SLC24A2: variants seen among roughly 807,000 people sequenced by gnomAD.
SLC24A2 encodes sodium/potassium/calcium exchanger 2.
Under a neutral mutation model 62.0 loss-of-function variants are expected in SLC24A2, and 36 were observed. The ratio of observed to expected loss-of-function variants is 0.58; its 90% CI spans 0.44 to 0.77. The LOEUF (loss-of-function observed/expected upper bound fraction) is 0.77, where lower values mean the gene tolerates loss of function less well. SLC24A2 is among the 30% of genes least tolerant of loss of function. The pLI is 0.00. For missense variants in SLC24A2, 846 were observed against 817.9 expected (o/e 1.03, Z -0.42); for synonymous variants, 358 against 294.0 (o/e 1.22, Z -2.23).
chr9:19,735,102 A>G (rs1327775980), intron 2 of SLC24A2, among the ~76,000 whole-genome samples: 1 of 152,162 alleles, frequency 6.6e-6, no homozygotes, highest in African/African-American at 2.4e-5. Context: ...AATTTTTGCA[A>G]TCTATCCATC....
the SLC24A2 span, among the ~76,000 whole-genome samples, chr9:20,222,054 G>C: frequency 6.6e-6 from 1 of 151,970 alleles, no homozygotes; most frequent in South Asian, 2.1e-4. Context: ...TGGGAGTGGG[G>C]GCATTGCTCA....
At chr9:19,732,677 G>C (rs868402595) in intron 2 of SLC24A2, among the ~76,000 whole-genome samples, 50 of 152,068 alleles carry the variant, frequency 3.3e-4, no homozygotes, top group African/African-American at 9.4e-4. Context: ...GTCTGTGCTG[G>C]TTCTCCCTCT....
chr9:19,980,277 A>G, the SLC24A2 span, among the ~76,000 whole-genome samples: 73,293 of 152,032 alleles, frequency 0.48, 18,538 homozygotes, highest in Non-Finnish European at 0.55. Flanking sequence ...AACAAGCTCC[A>G]GTTAACGCTG....
chr9:19,706,122 T>C (rs1820506914), intron 2 of SLC24A2, among the ~76,000 whole-genome samples: 1 of 152,040 alleles, frequency 6.6e-6, no homozygotes, highest in African/African-American at 2.4e-5. Flanking sequence ...TGCTCCTGTA[T>C]TGGGTGCATA....
chr9:19,857,684 A>G, the SLC24A2 span, among the ~76,000 whole-genome samples: 70 of 151,996 alleles, frequency 4.6e-4, no homozygotes, highest in African/African-American at 1.6e-3. Flanking sequence ...TGGAAATGCA[A>G]TTGGGTTTTA....
At chr9:19,554,212 A>G (rs1834974227) in intron 7 of SLC24A2, among the ~76,000 whole-genome samples, 1 of 152,194 alleles carries the variant, frequency 6.6e-6, no homozygotes, top group South Asian at 2.1e-4. Context: ...AGCAAAGGAG[A>G]GAGGCCTCTG....
chr9:20,149,041 G>A, the SLC24A2 span, among the ~76,000 whole-genome samples: 1 of 152,038 alleles, frequency 6.6e-6, no homozygotes, highest in African/African-American at 2.4e-5. Flanking sequence ...ATGTATGTAT[G>A]AATGGATGTA....
At chr9:20,075,239 T>C in the SLC24A2 span, among the ~76,000 whole-genome samples, 1 of 152,196 alleles carries the variant, frequency 6.6e-6, no homozygotes, top group Non-Finnish European at 1.5e-5. Flanking sequence ...GCAATTAGTA[T>C]GTGCCTAACA....
At chr9:20,261,733 C>CTTTTTTTTTTTT in the SLC24A2 span, among the ~76,000 whole-genome samples, 39 of 75,290 alleles carry the variant, frequency 5.2e-4, 4 homozygotes, top group African/African-American at 1.0e-3. Flanking sequence ...AACACCAAAT[C>CTTTTTTTTTTTT]TTTTTTTTTT....
At chr9:19,606,607 T>A (rs780422148) in intron 4 of SLC24A2, among the ~76,000 whole-genome samples, 1 of 152,194 alleles carries the variant, frequency 6.6e-6, no homozygotes, top group Non-Finnish European at 1.5e-5. Context: ...TATGTCAGCT[T>A]GCAATGGAAA....
intron 8 of SLC24A2, among the ~76,000 whole-genome samples, chr9:19,547,845 A>T (rs1228404085): frequency 6.6e-6 from 1 of 151,684 alleles, no homozygotes; most frequent in Admixed American, 6.5e-5. Flanking sequence ...AGAGACAGAC[A>T]GAGAGAGGAG....
chr9:19,657,530 G>A (rs10811224), intron 2 of SLC24A2, among the ~76,000 whole-genome samples: 64,456 of 151,402 alleles, frequency 0.43, 14,533 homozygotes, highest in East Asian at 0.81. Flanking sequence ...GTCCTAATGC[G>A]CTCCCTCCCC....
the SLC24A2 span, among the ~76,000 whole-genome samples, chr9:20,204,872 T>A: frequency 2.4e-4 from 37 of 151,518 alleles, no homozygotes; most frequent in Non-Finnish European, 3.7e-4. Context: ...GCCTCCCGAG[T>A]AGCCTGGACT....
the SLC24A2 span, among the ~76,000 whole-genome samples, chr9:19,910,861 A>G: frequency 6.7e-6 from 1 of 148,680 alleles, no homozygotes; most frequent in Non-Finnish European, 1.5e-5. Flanking sequence ...TCTCTGTTCT[A>G]TCTTTCTCAC....
intron 2 of SLC24A2, among the ~76,000 whole-genome samples, chr9:19,645,888 T>C (rs1367950137): frequency 1.3e-5 from 2 of 152,224 alleles, no homozygotes; most frequent in Non-Finnish European, 2.9e-5. Flanking sequence ...GAGAAGTGAC[T>C]TTGAAATGCA....
At chr9:19,832,271 A>AAGT in the SLC24A2 span, among the ~76,000 whole-genome samples, 1 of 152,264 alleles carries the variant, frequency 6.6e-6, no homozygotes, top group Non-Finnish European at 1.5e-5. Context: ...TATGTCTTCA[A>AAGT]AGTAATTTGG....
At chr9:19,585,860 T>C (rs1161183754) in intron 5 of SLC24A2, among the ~76,000 whole-genome samples, 2 of 152,178 alleles carry the variant, frequency 1.3e-5, no homozygotes, top group African/African-American at 2.4e-5. Context: ...TTAATAATGT[T>C]CTATAAGAAT....
chr9:19,562,981 C>T (rs1586965938), intron 7 of SLC24A2, among the ~76,000 whole-genome samples: 3 of 152,218 alleles, frequency 2.0e-5, no homozygotes, highest in African/African-American at 7.2e-5. Context: ...TGGTTTGCAC[C>T]TGTAGTCCTA....
intron 2 of SLC24A2, among the ~76,000 whole-genome samples, chr9:19,777,552 T>A (rs953593289): frequency 2.0e-5 from 3 of 152,086 alleles, no homozygotes; most frequent in African/African-American, 7.2e-5. Flanking sequence ...AAACAGTAAA[T>A]AGCATTTTAG....
Sources: gnomAD v4.1 joint callset for allele counts (sites outside exome capture counted in the v4.1 genomes callset) on GRCh38, gnomAD v4.1.1 for gene constraint, MANE v1.5 for transcripts, NCBI Gene and HGNC (gene_info 2026-07-23, HGNC 2026-07-21) for gene names.